The following TMCO4 variants were observed in gnomAD, a reference collection of about 807,000 sequenced individuals.
The protein encoded by TMCO4 is transmembrane and coiled-coil domain-containing protein 4.
In TMCO4, 58 loss-of-function variants were observed where a neutral mutation model predicts 64.7. The observed-to-expected ratio is 0.90, with a 90% CI of 0.73 to 1.12. The LOEUF (loss-of-function observed/expected upper bound fraction) is 1.12, where lower values mean the gene tolerates loss of function less well. Among genes scored for constraint, TMCO4 ranks in the 50% most tolerant of loss-of-function variants. The pLI, the probability that TMCO4 is intolerant of heterozygous loss-of-function variation, is 0.00. For synonymous variants in TMCO4, 325 were observed against 346.1 expected (o/e 0.94, Z 0.68); for missense variants, 780 against 825.9 (o/e 0.94, Z 0.68).
At chr1:19,768,002 G>A (rs2042812127) in intron 6 of TMCO4, among the ~76,000 whole-genome samples, 3 of 150,474 alleles carry the variant, frequency 2.0e-5, no homozygotes, top group South Asian at 4.2e-4. Context: ...TGAGACAAGA[G>A]AATCACTTGA....
In TMCO4 at chr1:19,683,196, C is replaced by A; in HGVS notation, c.1749G>T (p.Gln583His). 6.2e-7 allele frequency: 1 copy of A among 1,614,248 alleles called. No individual in the cohort carries two copies. The highest frequency in any genetic ancestry group is 8.5e-7 in the Non-Finnish European group (1 of 1,180,042). Residue 583 changes from glutamine to histidine, a missense_variant, in exon 16 of 16, where the codon CAG becomes CAT. Gln to His is a conservative substitution (Grantham distance 24). Coordinates refer to ENST00000294543, the MANE Select transcript of TMCO4 (RefSeq NM_181719.7). The part of the protein sequence containing the change: ...LAMSTDPSQA[Q>H]VPVGLDQSEG... ...CAGACTGGTCCAGCCCTACTGGCAC[C>A]TGGGCTTGGCTGGGGTCTGTGGACA...
intron 2 of TMCO4, among the ~76,000 whole-genome samples, chr1:19,787,984 T>C (rs2043827910): frequency 1.3e-5 from 2 of 152,292 alleles, no homozygotes; most frequent in East Asian, 3.9e-4. Flanking sequence ...CTGGAACTCC[T>C]GAGCTCAGGC....
At chr1:19,713,051 T>C (rs2095338836) in intron 13 of TMCO4, among the ~76,000 whole-genome samples, 1 of 151,748 alleles carries the variant, frequency 6.6e-6, no homozygotes, top group Non-Finnish European at 1.5e-5. Flanking sequence ...TAGGAGAGAG[T>C]GGAATTCACG....
At chr1:19,685,875 G>C (rs759576108) in intron 15 of TMCO4, among the ~76,000 whole-genome samples, 1 of 152,024 alleles carries the variant, frequency 6.6e-6, no homozygotes, top group African/African-American at 2.4e-5. Context: ...CACGGTGCCC[G>C]CTACCATGCC....
At chr1:19,715,417 A>G (rs1329462868) in intron 13 of TMCO4, among the ~76,000 whole-genome samples, 1 of 152,078 alleles carries the variant, frequency 6.6e-6, no homozygotes, top group Non-Finnish European at 1.5e-5. Context: ...CTAATTAAAA[A>G]CAATTGTTTT....
At chr1:19,794,507 G>C (rs2101152264) in intron 2 of TMCO4, among the ~76,000 whole-genome samples, 1 of 152,344 alleles carries the variant, frequency 6.6e-6, no homozygotes, top group African/African-American at 2.4e-5. Flanking sequence ...GGCAAAGTTT[G>C]TAATAGTCCA....
chr1:19,787,112 AT>A lies in TMCO4; in HGVS notation c.-96del. The A allele has an allele frequency of 6.6e-6, 1 of 152,418 alleles. No homozygotes were observed. The highest frequency in any genetic ancestry group is 1.5e-5 in the Non-Finnish European group (1 of 68,042). 9.4% of individuals were successfully genotyped at this position (152,418 alleles called of 1,614,324 possible). A position where few individuals can be genotyped will look rare whatever the true frequency, so the allele number is the denominator to read the frequency against. On this transcript the variant is annotated 5_prime_UTR_variant, in exon 3 of 16. Coordinates refer to ENST00000294543, the MANE Select transcript of TMCO4 (RefSeq NM_181719.7). ...GATGGTTCTTTGGAGAAATATGCAA[AT>A]TGCCCTGCGGGAGAAAACCAGAAAA...
chr1:19,752,634 T>A (rs2042070717), intron 7 of TMCO4, among the ~76,000 whole-genome samples: 1 of 152,170 alleles, frequency 6.6e-6, no homozygotes, highest in Non-Finnish European at 1.5e-5. Context: ...ATGGCCTGGA[T>A]GACCCCATAA....
At chr1:19,704,778 G>A (rs1054507761) in intron 13 of TMCO4, among the ~76,000 whole-genome samples, 1 of 152,204 alleles carries the variant, frequency 6.6e-6, no homozygotes, top group African/African-American at 2.4e-5. Context: ...ACGGACAGCT[G>A]AGCTTCAGGA....
chr1:19,772,048 G>C (rs1017984623), intron 4 of TMCO4, among the ~76,000 whole-genome samples: 3 of 152,216 alleles, frequency 2.0e-5, no homozygotes, highest in African/African-American at 7.2e-5. Context: ...GATGGTGACT[G>C]GTTGCATGCC....
Position 19,723,978 on chromosome 1 carries a change from C to T in TMCO4, c.1264+13394G>A, listed in dbSNP as rs774761904. 9.2e-5 allele frequency among the ~76,000 whole-genome samples: 14 copies of T among 152,260 alleles called. 1 individual carries two copies. The highest frequency in any genetic ancestry group is 1.9e-4 in the African/African-American group (8 of 41,546). On this transcript the variant is annotated intron_variant, in intron 13 of 15. Coordinates refer to ENST00000294543, the MANE Select transcript of TMCO4 (RefSeq NM_181719.7). The stretch of plus-strand genomic sequence containing the variant: ...AAGGTGAGATCAAATGCATTTTAGC[C>T]GGTGGCAACTGCTAAGGTCAAGGGT...
At chr1:19,774,140 G>T (rs2043106477) in intron 4 of TMCO4, among the ~76,000 whole-genome samples, 1 of 152,222 alleles carries the variant, frequency 6.6e-6, no homozygotes, top group Admixed American at 6.5e-5. Context: ...ATTACCTTGG[G>T]GTGGTAATGA....
chr1:19,682,777 T>C lies in TMCO4; in HGVS notation c.*263A>G. 1 of 719,678 alleles carries C rather than the reference T, an allele frequency of 1.4e-6. No individual in the cohort carries two copies. 44.6% of individuals were successfully genotyped at this position (719,678 alleles called of 1,614,324 possible). ...TCCTGGGACTCTAACCTGTGCTTGG[T>C]TGACTCTGCAGGTCTCTGATGAGGG... On this transcript the variant is annotated 3_prime_UTR_variant, in exon 16 of 16. Transcript: ENST00000294543.
chr1:19,695,824 C>T (rs1266196731), intron 14 of TMCO4, among the ~76,000 whole-genome samples: 1 of 152,146 alleles, frequency 6.6e-6, no homozygotes, highest in African/African-American at 2.4e-5. Flanking sequence ...CTGCTGTGTC[C>T]CGAAGTGAGA....
chr1:19,750,022 A>AG (rs2041958088), intron 7 of TMCO4: 1 of 152,222 alleles, frequency 6.6e-6, no homozygotes, highest in Non-Finnish European at 1.5e-5. Flanking sequence ...CTGAATTTCC[A>AG]GGGGTATTGT....
chr1:19,768,885 A>C (rs1409951471), intron 6 of TMCO4, among the ~76,000 whole-genome samples: 3 of 152,060 alleles, frequency 2.0e-5, no homozygotes, highest in African/African-American at 7.2e-5. Flanking sequence ...GGGTCCACAT[A>C]CCACACTGAG....
chr1:19,709,557 T>G (rs1026439576), intron 13 of TMCO4, among the ~76,000 whole-genome samples: 1 of 152,100 alleles, frequency 6.6e-6, no homozygotes, highest in African/African-American at 2.4e-5. Context: ...AAGTAAGAAT[T>G]TGGGGACTCA....
chr1:19,778,360 G>C (rs1004217428), intron 4 of TMCO4, among the ~76,000 whole-genome samples: 1 of 152,034 alleles, frequency 6.6e-6, no homozygotes, highest in Non-Finnish European at 1.5e-5. Flanking sequence ...TGCAACCTCT[G>C]CCTCCCGGGT....
rs557469486 is a variant in TMCO4, at chr1:19,737,066, C to T, written c.1264+306G>A. On this transcript the variant is annotated intron_variant, in intron 13 of 15. Coordinates refer to ENST00000294543, the MANE Select transcript of TMCO4 (RefSeq NM_181719.7). ...AGCCTTCAGAGGGAAAGTGCACCTG[C>T]CAACACCTTAATTTTGAATTTCTTG... Among the ~76,000 whole-genome samples, 10 of 152,304 alleles carry T rather than the reference C, an allele frequency of 6.6e-5. No homozygotes were observed. In the South Asian group the frequency reaches 1.9e-3, roughly 28 times the overall value.
Sources: allele counts gnomAD v4.1 joint callset (sites outside exome capture counted in the v4.1 genomes callset), GRCh38; gene constraint gnomAD v4.1.1; transcripts MANE v1.5; gene names NCBI Gene and HGNC (gene_info 2026-07-23, HGNC 2026-07-21).